Variants in CUX2 observed in about 807,000 individuals in gnomAD.
CUX2 encodes homeobox protein cut-like 2.
In CUX2, 40 loss-of-function variants were observed where a neutral mutation model predicts 144.8. The ratio of observed to expected loss-of-function variants is 0.28; its 90% CI spans 0.21 to 0.36. The LOEUF (loss-of-function observed/expected upper bound fraction) is 0.36, where lower values mean the gene tolerates loss of function less well. Ranked by LOEUF, CUX2 falls within the 10% of genes least tolerant of loss-of-function variation. The pLI is 1.00. For missense variants in CUX2, 1,615 were observed against 1,994.0 expected, an observed-to-expected ratio of 0.81 and a Z score of 3.62; for synonymous variants, 827 against 875.6, an observed-to-expected ratio of 0.94 and a Z score of 0.98.
In CUX2 at chr12:111,296,522, C is replaced by G. The variant is rs572642618; in HGVS notation, c.687C>G (p.Asp229Glu). The G allele has an allele frequency of 1.9e-5, 30 of 1,611,398 alleles. No homozygotes were observed. Among genetic ancestry groups the G allele is most frequent in the Admixed American group, 6.7e-5 (4 of 59,766 alleles). Residue 229 changes from aspartate (D) to glutamate (E), a missense_variant, in exon 8 of 22, where the codon GAC becomes GAG. Transcript: ENST00000261726. ...TGCTAGAGCTGCGGCGGAAGTACGA[C>G]GAGGAGGCAGCATCCAAGTAAGTGA... ...AELLELRRKY[D>E]EEAASKADEV...
intron 9 of CUX2, among the ~76,000 whole-genome samples, chr12:111,301,515 C>CT (rs113734368): frequency 1.4e-4 from 20 of 147,520 alleles, no homozygotes; most frequent in African/African-American, 2.2e-4. Flanking sequence ...AGACTAGTAG[C>CT]TTTTTTTTTT....
intron 18 of CUX2, among the ~76,000 whole-genome samples, chr12:111,323,411 C>T (rs1251773658): frequency 1.3e-5 from 2 of 152,244 alleles, no homozygotes; most frequent in Admixed American, 6.5e-5. Flanking sequence ...ATCCCAGTGA[C>T]AGTGCTTACT....
chr12:111,275,682 T>C (rs977466421), intron 4 of CUX2, among the ~76,000 whole-genome samples: 1 of 151,886 alleles, frequency 6.6e-6, no homozygotes, highest in African/African-American at 2.4e-5. Flanking sequence ...AAGTGCGGAG[T>C]CCACATGATA....
intron 1 of CUX2, among the ~76,000 whole-genome samples, chr12:111,092,621 A>C (rs1254269301): frequency 6.6e-6 from 1 of 152,076 alleles, no homozygotes; most frequent in Non-Finnish European, 1.5e-5. Flanking sequence ...CTCCAAGAAC[A>C]GTGTTCCTTT....
Position 111,320,105 on chromosome 12 carries a change from A to C in CUX2, c.2096A>C (p.Gln699Pro). ...GACGCCATCAAGAGCATCCTGGAGCAGGCACGCCGTGAGATGCAGGCGCAA... is the reference window on the plus strand; with the variant it reads ...GACGCCATCAAGAGCATCCTGGAGCCGGCACGCCGTGAGATGCAGGCGCAA... ...SEDAIKSILE[Q>P]ARREMQAQQQ... is the part of the protein sequence containing the mutation. The change falls in exon 17 of 22, where the codon CAG (glutamine) becomes CCG (proline). Residue 699 changes from glutamine (Q) to proline (P), a missense_variant. Coordinates refer to ENST00000261726, the MANE Select transcript of CUX2 (RefSeq NM_015267.4). This position sits in a 1 kb window ranked among gnomAD's most constrained non-coding sequence, Gnocchi z 8.1. The C allele has an allele frequency of 1.9e-6, 3 of 1,558,314 alleles. No homozygotes were observed. Among genetic ancestry groups the C allele is most frequent in the Non-Finnish European group, 2.6e-6 (3 of 1,155,272 alleles).
At chr12:111,182,566 G>C (rs529268039) in intron 1 of CUX2, among the ~76,000 whole-genome samples, 74 of 152,358 alleles carry the variant, frequency 4.9e-4, no homozygotes, top group Non-Finnish European at 2.9e-4. Flanking sequence ...GGATGGAGAA[G>C]GCGGCTCAGG....
At chr12:111,216,960 G>C (rs1047139012) in intron 2 of CUX2, among the ~76,000 whole-genome samples, 1 of 152,140 alleles carries the variant, frequency 6.6e-6, no homozygotes, top group Admixed American at 6.5e-5. Context: ...GTCCCTCAGT[G>C]CCTCCCATGG....
At chr12:111,157,795 G>A (rs1387629216) in intron 1 of CUX2, among the ~76,000 whole-genome samples, 1 of 152,190 alleles carries the variant, frequency 6.6e-6, no homozygotes, top group African/African-American at 2.4e-5. Flanking sequence ...GGAAGATGAA[G>A]AATCACTTAG....
intron 1 of CUX2, among the ~76,000 whole-genome samples, chr12:111,166,346 G>A (rs563834726): frequency 5.3e-5 from 8 of 152,276 alleles, no homozygotes; most frequent in Non-Finnish European, 1.5e-5. Flanking sequence ...TAACTGCTTG[G>A]AAGCCTTTTC....
intron 1 of CUX2, among the ~76,000 whole-genome samples, chr12:111,104,398 A>G (rs751929785): frequency 1.3e-5 from 2 of 152,236 alleles, no homozygotes; most frequent in Non-Finnish European, 2.9e-5. Context: ...CAAAGTCCAA[A>G]GAGAAGCCCA....
In CUX2 at chr12:111,307,351, C is replaced by A. The variant is rs187521145; in HGVS notation, c.1109+94C>A. 41 of 1,149,670 alleles carry A rather than the reference C, an allele frequency of 3.6e-5. No homozygotes were observed. The Middle Eastern group carries it at 1.4e-3, about 39-fold the overall frequency. 71.2% of individuals were successfully genotyped at this position (1,149,670 alleles called of 1,614,324 possible). On this transcript the variant is annotated intron_variant, in intron 12 of 21. Transcript: ENST00000261726. This position sits in a 1 kb window ranked among gnomAD's most constrained non-coding sequence, Gnocchi z 4.1. Reference sequence around the variant, plus strand: ...CATCATCTTCCTCCCTCCTACTAAACCCCATTTGTTCTTCTCTCCACTAAC... The same window carrying A: ...CATCATCTTCCTCCCTCCTACTAAAACCCATTTGTTCTTCTCTCCACTAAC...
At chr12:111,275,691 T>C (rs1192383354) in intron 4 of CUX2, among the ~76,000 whole-genome samples, 2 of 152,216 alleles carry the variant, frequency 1.3e-5, no homozygotes, top group Non-Finnish European at 2.9e-5. Context: ...GTCCACATGA[T>C]ACTGGAGACA....
At chr12:111,283,781 G>A (rs1885245869) in intron 4 of CUX2, among the ~76,000 whole-genome samples, 1 of 152,090 alleles carries the variant, frequency 6.6e-6, no homozygotes, top group Middle Eastern at 3.2e-3. Context: ...TGTTGGTCAG[G>A]CTGGTCTCAA....
chr12:111,112,113 G>T (rs1874010785), intron 1 of CUX2, among the ~76,000 whole-genome samples: 1 of 152,166 alleles, frequency 6.6e-6, no homozygotes, highest in Admixed American at 6.5e-5. Flanking sequence ...AGGGATCGAG[G>T]TCTGTGGCCA....
chr12:111,082,987 C>G (rs761642370), intron 1 of CUX2, among the ~76,000 whole-genome samples: 1 of 152,084 alleles, frequency 6.6e-6, no homozygotes, highest in Non-Finnish European at 1.5e-5. Flanking sequence ...CACAGTTTCT[C>G]GACTCCACAC....
intron 1 of CUX2, among the ~76,000 whole-genome samples, chr12:111,108,256 G>T (rs1490692810): frequency 6.6e-6 from 1 of 152,162 alleles, no homozygotes; most frequent in African/African-American, 2.4e-5. Context: ...AGGCACCACT[G>T]CTGTTAACTT....
At chr12:111,071,862 A>T (rs1368615869) in intron 1 of CUX2, among the ~76,000 whole-genome samples, 1 of 152,200 alleles carries the variant, frequency 6.6e-6, no homozygotes, top group African/African-American at 2.4e-5. Context: ...CATTTGTTGA[A>T]AAGACAAATA....
intron 1 of CUX2, among the ~76,000 whole-genome samples, chr12:111,184,518 T>G (rs1334435160): frequency 6.8e-6 from 1 of 146,392 alleles, no homozygotes; most frequent in African/African-American, 2.6e-5. Context: ...AGACAATAAA[T>G]TCTATGAAAA....
chr12:111,300,312 G>A (rs993950904), intron 9 of CUX2, among the ~76,000 whole-genome samples: 3 of 152,064 alleles, frequency 2.0e-5, no homozygotes, highest in Admixed American at 6.6e-5. Context: ...GTAGAGATGC[G>A]GTTTTGCCAT....
Sources: gnomAD v4.1 joint callset for allele counts (sites outside exome capture counted in the v4.1 genomes callset) on GRCh38, gnomAD v4.1.1 for gene constraint, Gnocchi (gnomAD v3.1) non-coding constraint, MANE v1.5 for transcripts, NCBI Gene and HGNC (gene_info 2026-07-23, HGNC 2026-07-21) for gene names.